The following AVEN variants were observed in gnomAD, a reference collection of about 807,000 sequenced individuals.
The protein encoded by AVEN is apoptosis and caspase activation inhibitor.
In AVEN, 41 loss-of-function variants were observed where a neutral mutation model predicts 38.1. The ratio of observed to expected loss-of-function variants is 1.08; its 90% CI spans 0.84 to 1.40. AVEN has a LOEUF of 1.40. Among genes scored for constraint, AVEN ranks in the 40% most tolerant of loss-of-function variants. The pLI is 0.00. For missense variants in AVEN, 605 were observed against 438.8 expected (o/e 1.38, Z -3.38); for synonymous variants, 206 against 171.8 (o/e 1.20, Z -1.56).
Position 33,908,495 on chromosome 15 carries a change from T to C in AVEN, c.446-32500A>G, listed in dbSNP as rs1418129287. Among the ~76,000 whole-genome samples, 3 of 35,886 alleles carry C rather than the reference T, an allele frequency of 8.4e-5. 1 individual carries two copies. The highest frequency in any genetic ancestry group is 1.6e-4 in the African/African-American group (3 of 18,738). 23.5% of individuals were successfully genotyped at this position (35,886 alleles called of 152,430 possible). A position where few individuals can be genotyped will look rare whatever the true frequency, so the allele number is the denominator to read the frequency against. On this transcript the variant is annotated intron_variant, in intron 2 of 5. Coordinates refer to ENST00000306730, the MANE Select transcript of AVEN (RefSeq NM_020371.3). Reference sequence around the variant, plus strand: ...CACTCTATAATTGCAAATGGGCAAATAGGTTATTCCCATGAGAACTCACCC... The same window carrying C: ...CACTCTATAATTGCAAATGGGCAAACAGGTTATTCCCATGAGAACTCACCC...
intron 2 of AVEN, among the ~76,000 whole-genome samples, chr15:33,957,743 A>T (rs1895011548): frequency 6.6e-6 from 1 of 151,844 alleles, no homozygotes; most frequent in African/African-American, 2.4e-5. Flanking sequence ...AAAGCCAGAC[A>T]TAAGCGAATA....
intron 2 of AVEN, among the ~76,000 whole-genome samples, chr15:34,002,425 C>T (rs1037715524): frequency 5.3e-5 from 8 of 151,658 alleles, no homozygotes; most frequent in Non-Finnish European, 1.0e-4. Context: ...CATCTGTACA[C>T]CCAGCACTCC....
At chr15:33,961,594 AC>A (rs1178361629) in intron 2 of AVEN, among the ~76,000 whole-genome samples, 11 of 151,830 alleles carry the variant, frequency 7.2e-5, no homozygotes, top group South Asian at 4.2e-4. Flanking sequence ...TGGGCGAATC[AC>A]GAGGTCAGGA....
intron 2 of AVEN, among the ~76,000 whole-genome samples, chr15:33,983,734 A>G (rs1346329621): frequency 2.0e-5 from 3 of 152,142 alleles, no homozygotes; most frequent in African/African-American, 7.2e-5. Flanking sequence ...ATAAATGGAA[A>G]GGGAAAAACA....
intron 2 of AVEN, among the ~76,000 whole-genome samples, chr15:33,983,196 GTGTGTATATA>G (rs1220763558): frequency 1.7e-5 from 1 of 58,416 alleles, no homozygotes; most frequent in Non-Finnish European, 2.9e-5. Flanking sequence ...GTGTGTATGT[GTGTGTATATA>G]TATATATACA....
chr15:33,886,009 C>G (rs567654979), intron 2 of AVEN, among the ~76,000 whole-genome samples: 8 of 152,316 alleles, frequency 5.3e-5, no homozygotes, highest in African/African-American at 1.9e-4. Flanking sequence ...ATACAAAGAT[C>G]AGTCTTTGGA....
intron 2 of AVEN, among the ~76,000 whole-genome samples, chr15:33,961,189 C>G (rs1895145782): frequency 6.6e-6 from 1 of 151,924 alleles, no homozygotes; most frequent in South Asian, 2.1e-4. Flanking sequence ...TTTACAGAGA[C>G]AGAGTCTCAC....
At chr15:33,862,584 G>C (rs542053997), downstream of AVEN, among the ~76,000 whole-genome samples, 20 of 152,162 alleles carry the variant, frequency 1.3e-4, no homozygotes, top group Non-Finnish European at 2.6e-4. Context: ...ACATGTTTTT[G>C]CTGGGGGATG....
intron 2 of AVEN, among the ~76,000 whole-genome samples, chr15:33,933,980 C>T (rs575368665): frequency 3.9e-5 from 6 of 152,266 alleles, no homozygotes; most frequent in African/African-American, 4.8e-5. Context: ...CATACAAAAA[C>T]GACTGGTTTG....
chr15:33,860,673 AACT>A, intron 11 of AVEN: 8 of 1,549,534 alleles, frequency 5.2e-6, no homozygotes, highest in Non-Finnish European at 7.1e-6. Flanking sequence ...ATGTTACTCT[AACT>A]ACTAATCCCA....
intron 1 of AVEN, 24 bp downstream of exon 1, chr15:34,038,756 G>T: frequency 8.6e-7 from 1 of 1,159,268 alleles, no homozygotes; most frequent in Non-Finnish European, 1.1e-6. Context: ...CGCGGTCCCA[G>T]CCCCACCAGC....
At chr15:34,072,807 C>T (rs959650251) in intron 1 of AVEN, among the ~76,000 whole-genome samples, 1 of 147,878 alleles carries the variant, frequency 6.8e-6, no homozygotes, top group Non-Finnish European at 1.5e-5. Flanking sequence ...CACCACCACA[C>T]TCAGCTAATT....
chr15:33,947,576 G>A (rs777632613), intron 2 of AVEN, among the ~76,000 whole-genome samples: 4 of 152,028 alleles, frequency 2.6e-5, no homozygotes, highest in Non-Finnish European at 4.4e-5. Context: ...GACACAAAAT[G>A]GTGAAGTATT....
chr15:33,964,721 A>G lies in AVEN; in HGVS notation c.445+38311T>C, dbSNP rs766263550. 3.9e-5 allele frequency among the ~76,000 whole-genome samples: 6 copies of G among 152,330 alleles called. 1 individual carries two copies. The highest frequency in any genetic ancestry group is 6.8e-3 in the Middle Eastern group (2 of 294). On this transcript the variant is annotated intron_variant, in intron 2 of 5. Coordinates refer to ENST00000306730, the MANE Select transcript of AVEN (RefSeq NM_020371.3). ...GAGGCCATAATACAATTTTGGAAAG[A>G]AAAATAAATCACCCTTTATAAATTC...
At chr15:34,017,482 TTG>T (rs1491196814) in intron 1 of AVEN, among the ~76,000 whole-genome samples, 16 of 66,116 alleles carry the variant, frequency 2.4e-4, no homozygotes, top group East Asian at 3.2e-4. Context: ...GATTTTTTTT[TTG>T]TTTTTTTTTT....
At chr15:34,038,464 G>A (rs1387731308) in intron 1 of AVEN, among the ~76,000 whole-genome samples, 2 of 152,120 alleles carry the variant, frequency 1.3e-5, no homozygotes, top group African/African-American at 4.8e-5. Flanking sequence ...ACGGGCCGCC[G>A]AGACTTGCAG....
intron 1 of AVEN, among the ~76,000 whole-genome samples, 153 bp from the exon 2 acceptor site, chr15:34,003,362 C>T (rs1897214567): frequency 1.3e-5 from 2 of 152,226 alleles, no homozygotes; most frequent in African/African-American, 4.8e-5. Flanking sequence ...GAGAATCACA[C>T]TATACCAGAG....
chr15:33,961,607 A>T (rs1409157596), intron 2 of AVEN, among the ~76,000 whole-genome samples: 6 of 151,786 alleles, frequency 4.0e-5, no homozygotes, highest in East Asian at 2.0e-4. Context: ...AGGTCAGGAG[A>T]TCGAGACCAT....
At chr15:34,006,041 G>A (rs1341121252) in intron 1 of AVEN, among the ~76,000 whole-genome samples, 1 of 152,220 alleles carries the variant, frequency 6.6e-6, no homozygotes, top group Non-Finnish European at 1.5e-5. Flanking sequence ...GCCAGGCACG[G>A]TGGCTCACAC....
Sources: gnomAD v4.1 joint callset for allele counts (sites outside exome capture counted in the v4.1 genomes callset) on GRCh38, gnomAD v4.1.1 for gene constraint, MANE v1.5 for transcripts, NCBI Gene and HGNC (gene_info 2026-07-23, HGNC 2026-07-21) for gene names.